Variants in MALRD1 observed in about 807,000 individuals in gnomAD.
MALRD1 encodes MAM and LDL-receptor class A domain-containing protein 1.
In MALRD1, 247 loss-of-function variants were observed where a neutral mutation model predicts 242.1. That is an observed-to-expected ratio of 1.02 (90% CI 0.92 to 1.13). The LOEUF (loss-of-function observed/expected upper bound fraction) is 1.13, where lower values mean the gene tolerates loss of function less well. Among genes scored for constraint, MALRD1 ranks in the 50% most tolerant of loss-of-function variants. MALRD1 has a pLI of 0.00. For missense variants in MALRD1, 2,989 were observed against 2,533.1 expected (o/e 1.18, Z -3.86); for synonymous variants, 995 against 866.6 (o/e 1.15, Z -2.60).
chr10:19,701,820 A>C, intron 38 of MALRD1, among the ~76,000 whole-genome samples: 2 of 137,666 alleles, frequency 1.5e-5, no homozygotes, highest in African/African-American at 2.7e-5. Context: ...TCTCTTCTCC[A>C]TCCCTCACCT....
At chr10:19,255,618 AT>A (rs1268469344) in intron 18 of MALRD1, among the ~76,000 whole-genome samples, 1 of 152,030 alleles carries the variant, frequency 6.6e-6, no homozygotes, top group Non-Finnish European at 1.5e-5. Flanking sequence ...CAAATGGACA[AT>A]TTTAGTTTCT....
At position 19,542,304 on chromosome 10, in the gene MALRD1, T is replaced by C. The variant is rs578085440; in HGVS notation, c.5478+10953T>C. ...AGCTCAAGTAACTTTTCTTTTACATTTTTATTTCATGAAAGCCACCCATCT... is the reference window on the plus strand; with the variant it reads ...AGCTCAAGTAACTTTTCTTTTACATCTTTATTTCATGAAAGCCACCCATCT... On this transcript the variant is annotated intron_variant, in intron 32 of 39. Transcript: ENST00000454679. Among the ~76,000 whole-genome samples the C allele has an allele frequency of 3.9e-5, 6 of 152,238 alleles. 1 individual carries two copies. The South Asian group carries it at 1.0e-3, about 26-fold the overall frequency.
chr10:19,292,876 G>A (rs372587016), intron 21 of MALRD1, among the ~76,000 whole-genome samples: 5 of 128,614 alleles, frequency 3.9e-5, no homozygotes, highest in Non-Finnish European at 7.8e-5. Flanking sequence ...CTGGGCAACA[G>A]AGCGAGACTC....
intron 29 of MALRD1, among the ~76,000 whole-genome samples, chr10:19,475,542 C>A (rs1380383482): frequency 6.6e-6 from 1 of 152,142 alleles, no homozygotes; most frequent in African/African-American, 2.4e-5. Context: ...CCTCAGTTCA[C>A]AGCAAACCTA....
intron 26 of MALRD1, among the ~76,000 whole-genome samples, chr10:19,372,050 A>G (rs554424204): frequency 2.0e-5 from 3 of 152,310 alleles, no homozygotes; most frequent in South Asian, 2.1e-4. Flanking sequence ...CATTGAATTG[A>G]TTATATTTAG....
intron 1 of MALRD1, among the ~76,000 whole-genome samples, chr10:19,054,485 T>C (rs1834604777): frequency 6.6e-6 from 1 of 152,218 alleles, no homozygotes; most frequent in African/African-American, 2.4e-5. Flanking sequence ...GTAGTCACCC[T>C]GTTGTGCAAT....
chr10:19,243,311 T>C (rs141440029), intron 18 of MALRD1, among the ~76,000 whole-genome samples: 2 of 152,152 alleles, frequency 1.3e-5, no homozygotes, highest in Admixed American at 6.6e-5. Context: ...ATCAATTATT[T>C]AATGGCAGCA....
At position 19,213,396 on chromosome 10, in the gene MALRD1, G is replaced by C. The variant is rs142952126; in HGVS notation, c.2991+3716G>C. On this transcript the variant is annotated intron_variant, in intron 18 of 39. Transcript: ENST00000454679. The stretch of plus-strand genomic sequence containing the variant: ...CTACAGCCGCATGCTACTATGCCCC[G>C]CTAATTTTTGTATTTTTAGTAGAGA... Among the ~76,000 whole-genome samples the C allele has an allele frequency of 2.0e-3, 302 of 152,142 alleles. 3 individuals carry two copies. In the Middle Eastern group the frequency reaches 0.044, roughly 22 times the overall value.
At chr10:19,364,350 C>T (rs1220346273) in intron 26 of MALRD1, among the ~76,000 whole-genome samples, 1 of 152,012 alleles carries the variant, frequency 6.6e-6, no homozygotes, top group East Asian at 1.9e-4. Flanking sequence ...TTGCATAATT[C>T]CCAAAAATAT....
rs118027734 is a variant in MALRD1 at position 19,718,858 on chromosome 10, G to A, written c.6315-11848G>A. Among the ~76,000 whole-genome samples the A allele has an allele frequency of 2.4e-3, 365 of 151,800 alleles. 10 individuals are homozygous for A. The East Asian group carries it at 0.052, about 22-fold the overall frequency. ...CTGACTCCAGTAATTTTACTAGGCC[G>A]AGATGGGTTTTTAAAATGTGCTGTT... On this transcript the variant is annotated intron_variant, in intron 38 of 39. Coordinates refer to ENST00000454679, the MANE Select transcript of MALRD1 (RefSeq NM_001142308.3).
At chr10:19,094,729 G>A (rs1016609234) in intron 4 of MALRD1, among the ~76,000 whole-genome samples, 2 of 152,196 alleles carry the variant, frequency 1.3e-5, no homozygotes, top group African/African-American at 4.8e-5. Flanking sequence ...TATTCCAAAT[G>A]CTGTTGAAGT....
At chr10:19,467,862 C>T (rs1836299521) in intron 29 of MALRD1, among the ~76,000 whole-genome samples, 1 of 151,794 alleles carries the variant, frequency 6.6e-6, no homozygotes, top group South Asian at 2.1e-4. Context: ...GGCACGATCT[C>T]GGCTCACTGC....
chr10:19,666,258 T>C (rs1397082119), intron 36 of MALRD1, among the ~76,000 whole-genome samples: 2 of 152,202 alleles, frequency 1.3e-5, no homozygotes, highest in Non-Finnish European at 2.9e-5. Flanking sequence ...TTCCAAATGC[T>C]CTTGGTCCTT....
chr10:19,350,271 C>CT (rs202204577), intron 25 of MALRD1, among the ~76,000 whole-genome samples: 62,742 of 118,554 alleles, frequency 0.53, 17,085 homozygotes, highest in Non-Finnish European at 0.57. Flanking sequence ...TTCTTTTTTT[C>CT]TTTTTTTTTT....
chr10:19,491,817 T>C (rs918830966), intron 30 of MALRD1, among the ~76,000 whole-genome samples, 172 bp downstream of exon 30: 1 of 152,184 alleles, frequency 6.6e-6, no homozygotes, highest in Non-Finnish European at 1.5e-5. Flanking sequence ...CAAATACAAA[T>C]ACAAATGACA....
rs142589054 is a variant in MALRD1 at position 19,265,766 on chromosome 10, T to G, written c.3079+7995T>G. ...TAAAGTTTCATTTAAGTTCAATGTTTCTTAATTGATTTTCTGTCTATATGA... is the reference window on the plus strand; with the variant it reads ...TAAAGTTTCATTTAAGTTCAATGTTGCTTAATTGATTTTCTGTCTATATGA... On this transcript the variant is annotated intron_variant, in intron 19 of 39. Transcript: ENST00000454679. Among the ~76,000 whole-genome samples the G allele has an allele frequency of 1.9e-3, 287 of 152,252 alleles. 2 individuals carry two copies. The highest frequency in any genetic ancestry group is 6.0e-3 in the African/African-American group (250 of 41,570).
At chr10:19,718,393 G>C (rs1406344710) in intron 38 of MALRD1, among the ~76,000 whole-genome samples, 1 of 152,218 alleles carries the variant, frequency 6.6e-6, no homozygotes, top group African/African-American at 2.4e-5. Flanking sequence ...AGAAGGCAAA[G>C]CAGGAGCAAG....
chr10:19,688,257 C>T (rs1780676893), intron 36 of MALRD1, among the ~76,000 whole-genome samples: 1 of 152,154 alleles, frequency 6.6e-6, no homozygotes, highest in African/African-American at 2.4e-5. Context: ...AGGCATGAGC[C>T]ACTGTGCCCG....
intron 4 of MALRD1, among the ~76,000 whole-genome samples, chr10:19,099,445 A>G (rs1476526698): frequency 6.6e-6 from 1 of 152,020 alleles, no homozygotes; most frequent in Non-Finnish European, 1.5e-5. Flanking sequence ...GAGGTCATCT[A>G]TCTTCTCTTA....
Sources: gnomAD v4.1 joint callset for allele counts (sites outside exome capture counted in the v4.1 genomes callset) on GRCh38, gnomAD v4.1.1 for gene constraint, MANE v1.5 for transcripts, NCBI Gene and HGNC (gene_info 2026-07-23, HGNC 2026-07-21) for gene names.